EPB41L4A: variants seen among roughly 807,000 people sequenced by gnomAD.
EPB41L4A encodes the protein erythrocyte membrane protein band 4.1 like 4A.
In EPB41L4A, 100 loss-of-function variants were observed where a neutral mutation model predicts 108.6. The observed-to-expected ratio is 0.92, with a 90% confidence interval of 0.78 to 1.09. EPB41L4A has a LOEUF of 1.09. Ranked by LOEUF, EPB41L4A falls within the 50% of genes least tolerant of loss-of-function variation. EPB41L4A has a pLI of 0.00. For synonymous variants in EPB41L4A, 319 were observed against 289.0 expected, an observed-to-expected ratio of 1.10 and a Z score of -1.05; for missense variants, 1,030 against 842.7, an observed-to-expected ratio of 1.22 and a Z score of -2.75.
chr5:112,160,860 C>CT (rs1337693088), downstream of EPB41L4A: 6 of 156,248 alleles, frequency 3.8e-5, no homozygotes, highest in Non-Finnish European at 8.8e-5. Flanking sequence ...GGACGGAAGC[C>CT]TGTCCTTTCT....
At chr5:112,293,638 T>C (rs1458228289) in intron 2 of EPB41L4A, among the ~76,000 whole-genome samples, 1 of 152,158 alleles carries the variant, frequency 6.6e-6, no homozygotes. Flanking sequence ...TGAGTCCGTG[T>C]CAAAATCAAC....
chr5:112,347,413 C>A (rs1316333230), intron 1 of EPB41L4A, among the ~76,000 whole-genome samples: 1 of 152,136 alleles, frequency 6.6e-6, no homozygotes, highest in Non-Finnish European at 1.5e-5. Context: ...GTTGATCATT[C>A]ATATCTGCTC....
intron 9 of EPB41L4A, among the ~76,000 whole-genome samples, chr5:112,255,121 T>C (rs552595467): frequency 7.2e-4 from 110 of 152,144 alleles, no homozygotes; most frequent in African/African-American, 2.5e-3. Flanking sequence ...TTGATGAAAT[T>C]CTGCAGTCTT....
intron 9 of EPB41L4A, chr5:112,250,838 T>G (rs1036897937): frequency 6.6e-6 from 1 of 152,140 alleles, no homozygotes; most frequent in Non-Finnish European, 1.5e-5. Flanking sequence ...ACAAAGGCAG[T>G]TCCAACTCAG....
chr5:112,333,760 G>A (rs1262800206), intron 1 of EPB41L4A, among the ~76,000 whole-genome samples: 2 of 152,096 alleles, frequency 1.3e-5, no homozygotes, highest in South Asian at 2.1e-4. Context: ...CTGGCAACCC[G>A]GCTGTCTGCC....
chr5:112,214,494 C>G (rs1002180052), intron 12 of EPB41L4A, among the ~76,000 whole-genome samples: 1 of 152,126 alleles, frequency 6.6e-6, no homozygotes, highest in Non-Finnish European at 1.5e-5. Context: ...CCGGGCGCGG[C>G]GGCTCACGCC....
intron 1 of EPB41L4A, among the ~76,000 whole-genome samples, chr5:112,392,461 T>G (rs565740546): frequency 7.0e-5 from 10 of 142,192 alleles, no homozygotes; most frequent in African/African-American, 2.6e-4. Flanking sequence ...TAAAACAGAC[T>G]TTAAACCAAC....
chr5:112,246,330 C>T (rs996689274), intron 9 of EPB41L4A, among the ~76,000 whole-genome samples: 2 of 152,068 alleles, frequency 1.3e-5, no homozygotes, highest in African/African-American at 2.4e-5. Flanking sequence ...TGTTTGGATA[C>T]ATAAATACTT....
upstream of EPB41L4A, chr5:112,419,923 G>T (rs183494093): frequency 2.2e-6 from 1 of 456,382 alleles, no homozygotes; most frequent in South Asian, 1.5e-5. Flanking sequence ...GCAAAGCGGG[G>T]AGGCGGGGAC....
chr5:112,226,485 T>C (rs909408117), intron 12 of EPB41L4A, among the ~76,000 whole-genome samples: 2 of 152,232 alleles, frequency 1.3e-5, no homozygotes, highest in Non-Finnish European at 2.9e-5. Context: ...GCCTGGCAGC[T>C]AATTACTTCA....
intron 12 of EPB41L4A, among the ~76,000 whole-genome samples, chr5:112,153,249 G>T: frequency 6.6e-6 from 1 of 151,266 alleles, no homozygotes; most frequent in Non-Finnish European, 1.5e-5. Context: ...AAAGAGGCCG[G>T]GCATGGTGTC....
rs1759353308 is a variant in EPB41L4A, at chr5:112,148,617, T to G, written n.995-2619A>C. ...AGAAAAGTCTCTGTTACTTCATCATTCATTGTAACCAGTTTCTTGCCACCT... is the reference window on the plus strand; with the variant it reads ...AGAAAAGTCTCTGTTACTTCATCATGCATTGTAACCAGTTTCTTGCCACCT... On this transcript the variant is annotated intron_variant and non_coding_transcript_variant, in intron 12 of 13. Coordinates refer to the EPB41L4A transcript ENST00000507810. Among the ~76,000 whole-genome samples the G allele has an allele frequency of 5.9e-5, 9 of 152,200 alleles. No homozygotes were observed. In the South Asian group the frequency reaches 1.9e-3, roughly 31 times the overall value.
At chr5:112,181,177 C>T (rs368084715) in intron 18 of EPB41L4A, among the ~76,000 whole-genome samples, 5 of 152,120 alleles carry the variant, frequency 3.3e-5, no homozygotes, top group Admixed American at 6.5e-5. Context: ...TGTGGCCGGG[C>T]GTGGTGGCTC....
chr5:112,415,383 T>C (rs1469308195), intron 1 of EPB41L4A, among the ~76,000 whole-genome samples: 3 of 152,168 alleles, frequency 2.0e-5, no homozygotes, highest in Non-Finnish European at 4.4e-5. Flanking sequence ...ATTGGTTTCA[T>C]TAGTTTAGTC....
intron 4 of EPB41L4A, among the ~76,000 whole-genome samples, chr5:112,272,061 G>C (rs1164439758): frequency 6.6e-6 from 1 of 151,446 alleles, no homozygotes; most frequent in African/African-American, 2.4e-5. Context: ...TCCTACATCA[G>C]TGTCCTTCTG....
chr5:112,338,145 C>A (rs13188902), intron 1 of EPB41L4A, among the ~76,000 whole-genome samples: 9 of 152,032 alleles, frequency 5.9e-5, no homozygotes, highest in Non-Finnish European at 8.8e-5. Context: ...AAAAATATGC[C>A]CATGAATACA....
chr5:112,281,365 G>C (rs1306111033), intron 2 of EPB41L4A, among the ~76,000 whole-genome samples: 1 of 152,254 alleles, frequency 6.6e-6, no homozygotes, highest in African/African-American at 2.4e-5. Context: ...GGAAAGAGAT[G>C]AGGTAAGCCT....
chr5:112,205,533 T>G, intron 13 of EPB41L4A, 29 bp from the exon 14 acceptor site: 1 of 1,495,738 alleles, frequency 6.7e-7, no homozygotes, highest in Non-Finnish European at 9.2e-7. Context: ...GTATGAGAAA[T>G]AAATTAAGTA....
intron 9 of EPB41L4A, 84 bp from the exon 10 acceptor site, chr5:112,240,894 C>A: frequency 1.3e-6 from 1 of 741,812 alleles, no homozygotes; most frequent in Non-Finnish European, 2.2e-6. Flanking sequence ...CTTTAAGTAA[C>A]AAAAATTCAA....
Sources: allele counts gnomAD v4.1 joint callset (sites outside exome capture counted in the v4.1 genomes callset), GRCh38; gene constraint gnomAD v4.1.1; transcripts MANE v1.5; gene names NCBI Gene and HGNC (gene_info 2026-07-23, HGNC 2026-07-21).